Variants in NRXN3 observed in about 807,000 individuals in gnomAD.
The protein encoded by NRXN3 is neurexin III.
NRXN3 carries 32 observed loss-of-function variants against 137.6 expected under a neutral mutation model. The ratio of observed to expected loss-of-function variants is 0.23; its 90% confidence interval spans 0.18 to 0.31. The LOEUF is 0.31. Among genes scored for constraint, NRXN3 ranks in the 10% least tolerant of loss-of-function variants. NRXN3 has a pLI of 1.00. For synonymous variants in NRXN3, 798 were observed against 784.5 expected (o/e 1.02, Z -0.29); for missense variants, 1,574 against 2,062.5 (o/e 0.76, Z 4.59).
chr14:79,390,327 A>C (rs1434401534), intron 15 of NRXN3, among the ~76,000 whole-genome samples: 1 of 151,854 alleles, frequency 6.6e-6, no homozygotes, highest in Admixed American at 6.6e-5. Flanking sequence ...AAAAAAAAAA[A>C]AAAAAACCTA....
At chr14:78,375,429 A>G (rs1013521511) in intron 4 of NRXN3, among the ~76,000 whole-genome samples, 3 of 152,130 alleles carry the variant, frequency 2.0e-5, no homozygotes, top group Non-Finnish European at 4.4e-5. Flanking sequence ...CATGACTGTA[A>G]GCTTTTTAAT....
At chr14:79,745,782 T>TCCTG (rs35431970) in intron 19 of NRXN3, among the ~76,000 whole-genome samples, 84,261 of 151,492 alleles carry the variant, frequency 0.56, 24,112 homozygotes, top group Middle Eastern at 0.67. Context: ...GGGAATAATT[T>TCCTG]CCTCTTCCTA....
chr14:79,030,520 T>G (rs2099606081), intron 15 of NRXN3, among the ~76,000 whole-genome samples: 2 of 152,026 alleles, frequency 1.3e-5, no homozygotes, highest in African/African-American at 4.8e-5. Flanking sequence ...GCTTCTACAA[T>G]TCAATCTTTT....
chr14:79,410,540 A>G (rs1993011), intron 15 of NRXN3, among the ~76,000 whole-genome samples: 47,702 of 151,668 alleles, frequency 0.31, 8,160 homozygotes, highest in Middle Eastern at 0.53. Flanking sequence ...ATCCAGAAGG[A>G]CAATATCAAG....
chr14:78,345,452 C>T (rs1226515544), intron 4 of NRXN3, among the ~76,000 whole-genome samples: 1 of 152,120 alleles, frequency 6.6e-6, no homozygotes, highest in African/African-American at 2.4e-5. Flanking sequence ...TTTGCACTTG[C>T]TAAGAAGATA....
Position 78,968,174 on chromosome 14 carries a change from T to C in NRXN3, c.2970T>C (p.Gly990=). 6.3e-7 allele frequency: 1 copy of C among 1,592,794 alleles called. No individual in the cohort carries two copies. Among genetic ancestry groups the C allele is most frequent in the Non-Finnish European group, 8.6e-7 (1 of 1,165,318 alleles). The change falls in exon 14 of 21, where the codon GGT becomes GGC. Residue 990 remains glycine, a splice_region_variant and synonymous_variant. Coordinates refer to ENST00000335750, the MANE Select transcript of NRXN3 (RefSeq NM_001330195.2). ...INGAKNLDLK[G]DLYMAGLAQG... ...TTTGCTAATTACTTTCCTTTCCAGG[T>C]GATCTCTATATGGCTGGTCTGGCCC...
At chr14:79,141,441 A>G (rs1300430547) in intron 15 of NRXN3, among the ~76,000 whole-genome samples, 2 of 152,208 alleles carry the variant, frequency 1.3e-5, no homozygotes, top group East Asian at 1.9e-4. Context: ...GTAAGCTGCT[A>G]TAGTTATCAC....
chr14:78,626,574 A>G (rs559990930), intron 4 of NRXN3, among the ~76,000 whole-genome samples: 2 of 152,338 alleles, frequency 1.3e-5, no homozygotes, highest in African/African-American at 4.8e-5. Context: ...GAATGGATGT[A>G]CATATATCTC....
At chr14:79,025,636 G>T (rs1202957331) in intron 15 of NRXN3, among the ~76,000 whole-genome samples, 1 of 152,032 alleles carries the variant, frequency 6.6e-6, no homozygotes, top group Non-Finnish European at 1.5e-5. Context: ...AACTTGAAAG[G>T]TCTATAAAAT....
intron 15 of NRXN3, among the ~76,000 whole-genome samples, chr14:79,199,703 T>G (rs532287747): frequency 3.6e-4 from 55 of 152,204 alleles, no homozygotes; most frequent in Admixed American, 5.2e-4. Context: ...AAAGTTGGCC[T>G]GGTACTGGAT....
intron 16 of NRXN3, among the ~76,000 whole-genome samples, chr14:79,584,144 A>G (rs2097745272): frequency 6.6e-6 from 1 of 152,130 alleles, no homozygotes; most frequent in African/African-American, 2.4e-5. Context: ...TACTTTGGTC[A>G]GGGTGACAAA....
chr14:78,478,552 A>G (rs2095419372), intron 4 of NRXN3, among the ~76,000 whole-genome samples: 2 of 146,306 alleles, frequency 1.4e-5, no homozygotes, highest in South Asian at 4.5e-4. Flanking sequence ...AGAAGTCAGA[A>G]AAAAAAGAGA....
chr14:78,449,268 C>T (rs1247308616), intron 4 of NRXN3, among the ~76,000 whole-genome samples: 5 of 152,114 alleles, frequency 3.3e-5, no homozygotes, highest in East Asian at 3.9e-4. Context: ...GTAGGAATAT[C>T]GTGGCGCGAT....
chr14:79,691,937 A>G (rs1273027958), intron 17 of NRXN3, among the ~76,000 whole-genome samples: 2 of 152,034 alleles, frequency 1.3e-5, no homozygotes, highest in Non-Finnish European at 2.9e-5. Flanking sequence ...AGACCTCTTA[A>G]GGATTCCCAT....
intron 19 of NRXN3, among the ~76,000 whole-genome samples, chr14:79,705,506 A>G (rs969203446): frequency 6.6e-6 from 1 of 152,158 alleles, no homozygotes; most frequent in African/African-American, 2.4e-5. Context: ...TTTTTCCTGC[A>G]TTAATATTGA....
intron 4 of NRXN3, among the ~76,000 whole-genome samples, chr14:78,384,120 G>A (rs2089582485): frequency 1.3e-5 from 2 of 152,216 alleles, no homozygotes; most frequent in South Asian, 4.1e-4. Context: ...AGGAGCAGGT[G>A]TTGAAAACAG....
At chr14:78,471,676 G>A (rs1288506814) in intron 4 of NRXN3, among the ~76,000 whole-genome samples, 2 of 152,154 alleles carry the variant, frequency 1.3e-5, no homozygotes, top group Non-Finnish European at 2.9e-5. Flanking sequence ...CAACAGCCTG[G>A]TGATATAGGT....
intron 4 of NRXN3, among the ~76,000 whole-genome samples, chr14:78,458,630 T>G (rs191757994): frequency 2.0e-4 from 30 of 152,354 alleles, no homozygotes; most frequent in Non-Finnish European, 2.2e-4. Flanking sequence ...GAGGCAATTT[T>G]GTGGTTTAAG....
At chr14:79,639,381 A>G (rs1181285959) in intron 16 of NRXN3, among the ~76,000 whole-genome samples, 3 of 151,950 alleles carry the variant, frequency 2.0e-5, no homozygotes, top group Non-Finnish European at 2.9e-5. Flanking sequence ...CTCTACCCTC[A>G]AGTAGACCTC....
Sources: allele counts gnomAD v4.1 joint callset (sites outside exome capture counted in the v4.1 genomes callset), GRCh38; gene constraint gnomAD v4.1.1; transcripts MANE v1.5; gene names NCBI Gene and HGNC (gene_info 2026-07-23, HGNC 2026-07-21).